The following ADAMTSL3 variants were observed in gnomAD, a reference collection of about 807,000 sequenced individuals.
The protein encoded by ADAMTSL3 is ADAMTS like 3.
In ADAMTSL3, 128 loss-of-function variants were observed where a neutral mutation model predicts 201.7. The observed-to-expected ratio is 0.63, with a 90% CI of 0.55 to 0.73. The LOEUF (loss-of-function observed/expected upper bound fraction) is 0.73. ADAMTSL3 is among the 30% of genes least tolerant of loss of function. The pLI is 0.00. For synonymous variants in ADAMTSL3, 738 were observed against 748.4 expected, an observed-to-expected ratio of 0.99 and a Z score of 0.23; for missense variants, 1,990 against 2,119.6, an observed-to-expected ratio of 0.94 and a Z score of 1.20.
intron 21 of ADAMTSL3, among the ~76,000 whole-genome samples, chr15:83,984,725 C>A (rs1213726422): frequency 6.6e-6 from 1 of 152,154 alleles, no homozygotes; most frequent in Non-Finnish European, 1.5e-5. Flanking sequence ...AAACCCTCCC[C>A]CTGCCACCAA....
intron 3 of ADAMTSL3, among the ~76,000 whole-genome samples, chr15:83,714,785 T>TTCTTTCTTTCTTTC (rs1411016187): frequency 3.0e-5 from 3 of 101,320 alleles, no homozygotes; most frequent in East Asian, 2.5e-4. Context: ...CTTTCTTTCT[T>TTCTTTCTTTCTTTC]TTTCTTTCTC....
rs183695481 is a variant in ADAMTSL3 at position 83,916,610 on chromosome 15, A to C, written c.1987+3232A>C. Among the ~76,000 whole-genome samples the C allele has an allele frequency of 1.7e-3, 259 of 152,268 alleles. 1 individual carries two copies. Among genetic ancestry groups the C allele is most frequent in the Non-Finnish European group, 2.0e-3 (134 of 68,038 alleles). On this transcript the variant is annotated intron_variant, in intron 16 of 29. Transcript: ENST00000286744. ...TTATAATAAATAACCAAAGCCTATG[A>C]AACTGAAGAGCTAAGGCAAAAACCA...
chr15:83,934,104 A>G (rs1310202750), intron 17 of ADAMTSL3, among the ~76,000 whole-genome samples: 1 of 152,210 alleles, frequency 6.6e-6, no homozygotes, highest in Non-Finnish European at 1.5e-5. Context: ...CCAGAATGGT[A>G]GATCCACTGA....
At chr15:83,822,922 G>C (rs1445143384) in intron 6 of ADAMTSL3, among the ~76,000 whole-genome samples, 33 of 151,924 alleles carry the variant, frequency 2.2e-4, no homozygotes, top group Admixed American at 1.4e-3. Context: ...ACTGAGTGAA[G>C]CAGACTCCGT....
chr15:83,684,799 T>A (rs2061515381), intron 2 of ADAMTSL3, among the ~76,000 whole-genome samples: 2 of 152,214 alleles, frequency 1.3e-5, no homozygotes, highest in Admixed American at 6.5e-5. Flanking sequence ...TTCAATTTTG[T>A]TTTTTACAAA....
chr15:83,895,655 G>C (rs2065598727), intron 13 of ADAMTSL3, among the ~76,000 whole-genome samples: 1 of 152,146 alleles, frequency 6.6e-6, no homozygotes, highest in African/African-American at 2.4e-5. Context: ...CAGAACGGCG[G>C]TTTAAAAGGA....
At chr15:83,720,330 A>G (rs2062082937) in intron 3 of ADAMTSL3, among the ~76,000 whole-genome samples, 1 of 152,218 alleles carries the variant, frequency 6.6e-6, no homozygotes, top group Non-Finnish European at 1.5e-5. Flanking sequence ...TTCACTAGAA[A>G]AAATTAATTA....
intron 2 of ADAMTSL3, among the ~76,000 whole-genome samples, chr15:83,690,198 T>C (rs1050029848): frequency 6.6e-6 from 1 of 152,190 alleles, no homozygotes; most frequent in Non-Finnish European, 1.5e-5. Flanking sequence ...CTGCCTTCTG[T>C]ATCACTTACC....
At chr15:83,733,134 T>C (rs1335542344) in intron 3 of ADAMTSL3, among the ~76,000 whole-genome samples, 2 of 152,174 alleles carry the variant, frequency 1.3e-5, no homozygotes, top group African/African-American at 4.8e-5. Context: ...GAAAATGTAA[T>C]GTAAAATATC....
At chr15:83,943,244 G>A (rs2066597205) in intron 19 of ADAMTSL3, among the ~76,000 whole-genome samples, 162 bp downstream of exon 19, 1 of 152,164 alleles carries the variant, frequency 6.6e-6, no homozygotes, top group African/African-American at 2.4e-5. Flanking sequence ...GTTTGTGCAA[G>A]TTCCGTAGTC....
In ADAMTSL3 at chr15:83,681,570, A is replaced by G. The variant is rs193240603; in HGVS notation, c.70-22819A>G. Among the ~76,000 whole-genome samples, 75 of 152,350 alleles carry G rather than the reference A, an allele frequency of 4.9e-4. 1 individual carries two copies. The highest frequency in any genetic ancestry group is 1.7e-3 in the African/African-American group (71 of 41,582). ...ATGTTAGGCAAATATTTGCCAGCCT[A>G]GACATATCAATAGTTCTGGTTGACA... is the stretch of plus-strand genomic sequence containing the variant. On this transcript the variant is annotated intron_variant, in intron 2 of 29. Transcript: ENST00000286744.
chr15:83,665,691 A>C (rs2061239210), intron 2 of ADAMTSL3, among the ~76,000 whole-genome samples: 1 of 152,216 alleles, frequency 6.6e-6, no homozygotes. Flanking sequence ...ATTTCCATAA[A>C]TAACATGGAA....
At chr15:83,908,389 A>C (rs1317825715) in intron 15 of ADAMTSL3, among the ~76,000 whole-genome samples, 1 of 152,234 alleles carries the variant, frequency 6.6e-6, no homozygotes, top group Admixed American at 6.5e-5. Context: ...AATGCAATGA[A>C]TGTCTGATGT....
At chr15:83,812,492 C>T (rs2063714221) in intron 5 of ADAMTSL3, among the ~76,000 whole-genome samples, 1 of 152,202 alleles carries the variant, frequency 6.6e-6, no homozygotes, top group Non-Finnish European at 1.5e-5. Context: ...ACTTCCAGGA[C>T]CGTAAAAGCC....
intron 28 of ADAMTSL3, among the ~76,000 whole-genome samples, chr15:84,033,507 A>G (rs974362659): frequency 1.2e-4 from 18 of 152,040 alleles, no homozygotes; most frequent in Admixed American, 6.6e-4. Context: ...TAAAAATACA[A>G]AATTAGCTGG....
Position 83,815,753 on chromosome 15 carries a change from C to T in ADAMTSL3, c.364-4058C>T, listed in dbSNP as rs117481842. Among the ~76,000 whole-genome samples, 107 of 152,358 alleles carry T rather than the reference C, an allele frequency of 7.0e-4. 3 individuals are homozygous for T. The East Asian group carries it at 0.017, about 25-fold the overall frequency. On this transcript the variant is annotated intron_variant, in intron 5 of 29. Coordinates refer to ENST00000286744, the MANE Select transcript of ADAMTSL3 (RefSeq NM_207517.3). ...GTATTCTATAATAGAGTGCTTGTTACTTTGAGAATCAGTCTTGGCTTTGTC... is the reference window on the plus strand; with the variant it reads ...GTATTCTATAATAGAGTGCTTGTTATTTTGAGAATCAGTCTTGGCTTTGTC...
chr15:83,921,546 T>C (rs1414395692), intron 16 of ADAMTSL3, among the ~76,000 whole-genome samples: 1 of 152,222 alleles, frequency 6.6e-6, no homozygotes, highest in African/African-American at 2.4e-5. Context: ...CATATTGAAG[T>C]AGTCAAGACT....
chr15:83,862,946 C>T (rs1193786543), intron 8 of ADAMTSL3: 1 of 151,442 alleles, frequency 6.6e-6, no homozygotes, highest in Non-Finnish European at 1.5e-5. Flanking sequence ...AAATGGAGAA[C>T]AAAAAAAGGC....
chr15:84,030,106 G>A (rs2068376964), intron 27 of ADAMTSL3, among the ~76,000 whole-genome samples: 1 of 152,232 alleles, frequency 6.6e-6, no homozygotes, highest in Non-Finnish European at 1.5e-5. Flanking sequence ...CAGTGCAGAA[G>A]GGAAATGTGG....
Sources: gnomAD v4.1 joint callset for allele counts (sites outside exome capture counted in the v4.1 genomes callset) on GRCh38, gnomAD v4.1.1 for gene constraint, MANE v1.5 for transcripts, NCBI Gene and HGNC (gene_info 2026-07-23, HGNC 2026-07-21) for gene names.